GPC6: variants seen among roughly 807,000 people sequenced by gnomAD.
GPC6 encodes the protein glypican-6.
Under a neutral mutation model 55.2 loss-of-function variants are expected in GPC6, and 14 were observed. The ratio of observed to expected loss-of-function variants is 0.25; its 90% CI spans 0.17 to 0.40. GPC6 has a LOEUF of 0.40. GPC6 is among the 10% of genes least tolerant of loss of function. The pLI is 1.00. For synonymous variants in GPC6, 278 were observed against 259.6 expected (o/e 1.07, Z -0.68); for missense variants, 641 against 708.5 (o/e 0.90, Z 1.08).
At chr13:93,806,885 A>G (rs963123621) in intron 2 of GPC6, among the ~76,000 whole-genome samples, 1 of 152,214 alleles carries the variant, frequency 6.6e-6, no homozygotes, top group East Asian at 1.9e-4. Flanking sequence ...TATTCTCAGT[A>G]TAAAATAACA....
chr13:93,267,118 A>G (rs1225463909), intron 1 of GPC6, among the ~76,000 whole-genome samples: 2 of 152,196 alleles, frequency 1.3e-5, no homozygotes, highest in Non-Finnish European at 2.9e-5. Flanking sequence ...TTCCTTTAAT[A>G]GTGATATTGT....
At chr13:93,467,156 C>T (rs545629491) in intron 1 of GPC6, among the ~76,000 whole-genome samples, 10 of 152,110 alleles carry the variant, frequency 6.6e-5, no homozygotes, top group African/African-American at 2.4e-4. Context: ...TTTCTTTCTG[C>T]ATAATAATTT....
rs191819113 is a variant in GPC6 at position 94,001,492 on chromosome 13, A to G, written c.712-26237A>G. Among the ~76,000 whole-genome samples the G allele has an allele frequency of 2.5e-3, 377 of 152,286 alleles. 1 individual carries two copies. Among genetic ancestry groups the G allele is most frequent in the African/African-American group, 8.7e-3 (363 of 41,564 alleles). The stretch of plus-strand genomic sequence containing the variant: ...AATCTAATGAAATGATGTGTACACT[A>G]AATTCTTATATGAATATAGGCCTTA... On this transcript the variant is annotated intron_variant, in intron 3 of 8. Transcript: ENST00000377047.
chr13:93,477,661 C>G (rs999964153), intron 1 of GPC6, among the ~76,000 whole-genome samples: 1 of 152,140 alleles, frequency 6.6e-6, no homozygotes, highest in Admixed American at 6.5e-5. Flanking sequence ...TGAAAATGTG[C>G]ATATAACTTA....
intron 3 of GPC6, among the ~76,000 whole-genome samples, chr13:93,899,792 T>C (rs1403916366): frequency 1.3e-5 from 2 of 152,110 alleles, no homozygotes; most frequent in Non-Finnish European, 1.5e-5. Flanking sequence ...TCAAGGCCTT[T>C]GAGGAAATTG....
chr13:94,305,236 GT>G (rs959010071), intron 5 of GPC6, among the ~76,000 whole-genome samples: 6 of 152,132 alleles, frequency 3.9e-5, no homozygotes, highest in Non-Finnish European at 8.8e-5. Flanking sequence ...GAAATACAAG[GT>G]TAGGCTCCTG....
intron 2 of GPC6, among the ~76,000 whole-genome samples, chr13:93,671,840 C>G (rs3858842): frequency 1.3e-5 from 2 of 151,748 alleles, no homozygotes; most frequent in Non-Finnish European, 2.9e-5. Context: ...AACCATGGAC[C>G]TATGGGAGGG....
chr13:93,374,088 T>C (rs1594127092), intron 1 of GPC6, among the ~76,000 whole-genome samples: 4 of 152,304 alleles, frequency 2.6e-5, no homozygotes, highest in Non-Finnish European at 1.5e-5. Context: ...AAATGTTTCC[T>C]GTAGCTATAC....
intron 4 of GPC6, among the ~76,000 whole-genome samples, chr13:94,178,618 TC>T (rs1469701703): frequency 1.3e-5 from 2 of 152,202 alleles, no homozygotes; most frequent in Non-Finnish European, 2.9e-5. Flanking sequence ...GGATGTACTT[TC>T]TCCAGAATGA....
chr13:93,633,672 AAAT>A (rs1879574545), intron 2 of GPC6, among the ~76,000 whole-genome samples: 1 of 150,764 alleles, frequency 6.6e-6, no homozygotes, highest in South Asian at 2.1e-4. Flanking sequence ...ATAAATAAAT[AAAT>A]AACCAAAGTT....
intron 4 of GPC6, among the ~76,000 whole-genome samples, chr13:94,236,022 T>G (rs1890868350): frequency 2.0e-5 from 3 of 152,184 alleles, no homozygotes; most frequent in South Asian, 4.1e-4. Context: ...TTAGCTCAAC[T>G]GTAGTAGCCC....
chr13:93,491,866 C>T (rs9524094), intron 1 of GPC6, among the ~76,000 whole-genome samples: 56,967 of 83,620 alleles, frequency 0.68, 23,298 homozygotes, highest in East Asian at 0.99. Context: ...CTCTGTTCTG[C>T]TCCATTGATC....
At chr13:93,481,156 TG>T (rs1879504714) in intron 1 of GPC6, among the ~76,000 whole-genome samples, 1 of 152,292 alleles carries the variant, frequency 6.6e-6, no homozygotes, top group East Asian at 1.9e-4. Flanking sequence ...GGTATCTCAT[TG>T]TGGTTTTGGT....
intron 3 of GPC6, among the ~76,000 whole-genome samples, chr13:94,016,401 A>G (rs1319138657): frequency 1.3e-5 from 2 of 152,180 alleles, no homozygotes; most frequent in Non-Finnish European, 2.9e-5. Context: ...CAATTGAAGC[A>G]TTGTTTTCAA....
chr13:93,421,622 G>A (rs1876927560), intron 1 of GPC6, among the ~76,000 whole-genome samples: 1 of 152,006 alleles, frequency 6.6e-6, no homozygotes, highest in African/African-American at 2.4e-5. Flanking sequence ...TGAACTATTT[G>A]AAAGTCCCTA....
At chr13:94,401,642 G>C (rs961742135) in intron 8 of GPC6, among the ~76,000 whole-genome samples, 1 of 54,258 alleles carries the variant, frequency 1.8e-5, no homozygotes, top group African/African-American at 9.8e-5. Context: ...CTGGTCTAAC[G>C]TGATAATATG....
At chr13:93,486,950 A>T (rs1879737897) in intron 1 of GPC6, among the ~76,000 whole-genome samples, 1 of 151,934 alleles carries the variant, frequency 6.6e-6, no homozygotes, top group South Asian at 2.1e-4. Context: ...TCTCAAAAAA[A>T]AAAAAAACAA....
In GPC6 at chr13:93,272,257, T is replaced by C. The variant is rs1877556330; in HGVS notation, c.160+44641T>C. On this transcript the variant is annotated intron_variant, in intron 1 of 8. Transcript: ENST00000377047. ...AATTTTAATGACTTAGCTTTGGGAA[T>C]ATGTAAGTTGTCTTTAGATGGCAGA... 2.0e-5 allele frequency among the ~76,000 whole-genome samples: 3 copies of C among 152,016 alleles called. No homozygotes were observed. In the South Asian group the frequency reaches 6.2e-4, roughly 31 times the overall value.
At chr13:94,019,324 G>T (rs61962270) in intron 3 of GPC6, among the ~76,000 whole-genome samples, 1 of 152,018 alleles carries the variant, frequency 6.6e-6, no homozygotes, top group Non-Finnish European at 1.5e-5. Flanking sequence ...TTGTATTAAG[G>T]TTATATAATT....
Sources: gnomAD v4.1 joint callset for allele counts (sites outside exome capture counted in the v4.1 genomes callset) on GRCh38, gnomAD v4.1.1 for gene constraint, MANE v1.5 for transcripts, NCBI Gene and HGNC (gene_info 2026-07-23, HGNC 2026-07-21) for gene names.